Variants in ANO1 observed in about 807,000 individuals in gnomAD.
ANO1 encodes the protein anoctamin-1.
Under a neutral mutation model 124.0 loss-of-function variants are expected in ANO1, and 59 were observed. The observed-to-expected ratio is 0.48, with a 90% CI of 0.39 to 0.59. The LOEUF is 0.59. Among genes scored for constraint, ANO1 ranks in the 20% least tolerant of loss-of-function variants. The pLI is 0.00. For missense variants in ANO1, 1,059 were observed against 1,328.0 expected (o/e 0.80, Z 3.15); for synonymous variants, 529 against 532.0 (o/e 0.99, Z 0.08).
intron 1 of ANO1, among the ~76,000 whole-genome samples, chr11:70,071,414 A>C (rs1480785726): frequency 5.3e-5 from 8 of 152,222 alleles, no homozygotes; most frequent in Non-Finnish European, 4.4e-5. Flanking sequence ...AGCAGAAAAT[A>C]AAAGCCATCC....
intron 10 of ANO1, among the ~76,000 whole-genome samples, chr11:70,127,366 A>T (rs939454384): frequency 6.6e-6 from 1 of 152,138 alleles, no homozygotes; most frequent in African/African-American, 2.4e-5. Context: ...ACTGTTCCAT[A>T]AGGGAGGATT....
intron 22 of ANO1, among the ~76,000 whole-genome samples, chr11:70,177,212 C>T (rs949451178): frequency 6.6e-6 from 1 of 152,258 alleles, no homozygotes; most frequent in Admixed American, 6.5e-5. Flanking sequence ...GCCCCAAAGA[C>T]TTCAACCTCC....
At position 70,161,155 on chromosome 11, in the gene ANO1, CTGCAGAT is replaced by C; in HGVS notation, c.1579_1585del (p.Ile527Ter). 1.2e-6 allele frequency: 2 copies of C among 1,612,750 alleles called. No individual in the cohort carries two copies. The highest frequency in any genetic ancestry group is 1.7e-6 in the Non-Finnish European group (2 of 1,179,556). On this transcript the variant is annotated splice_acceptor_variant and splice_polypyrimidine_tract_variant and coding_sequence_variant and intron_variant, in exon 17 of 26. Transcript: ENST00000355303. LOFTEE classifies it high-confidence loss of function. ...CCAACCAAGAGTGCCCCTTTCCCCC[CTGCAGAT>C]TGCAGTGACGTTTGCCATCGTCCTC...
At chr11:70,131,474 C>T (rs1328419639) in intron 10 of ANO1, among the ~76,000 whole-genome samples, 1 of 152,142 alleles carries the variant, frequency 6.6e-6, no homozygotes, top group African/African-American at 2.4e-5. Context: ...ATCACAGGCG[C>T]GTGCCACCAT....
chr11:69,989,901 G>A (rs916033110), intron 1 of ANO1, among the ~76,000 whole-genome samples: 3 of 152,168 alleles, frequency 2.0e-5, no homozygotes, highest in Non-Finnish European at 4.4e-5. Flanking sequence ...GCTGGAAGAA[G>A]GAAAAGACCA....
At chr11:70,136,646 T>C (rs2046966063) in intron 11 of ANO1, among the ~76,000 whole-genome samples, 1 of 146,732 alleles carries the variant, frequency 6.8e-6, no homozygotes, top group Non-Finnish European at 1.5e-5. Flanking sequence ...CCTGGTGAGG[T>C]CAGGTGCCTG....
At chr11:70,113,471 ACTC>A (rs145535508) in intron 7 of ANO1, among the ~76,000 whole-genome samples, 20,885 of 151,374 alleles carry the variant, frequency 0.14, 1,554 homozygotes, top group South Asian at 0.29. Flanking sequence ...GGAGGAGCCC[ACTC>A]CTCCATTCTG....
At chr11:70,045,298 C>T (rs1555005468) in intron 1 of ANO1, among the ~76,000 whole-genome samples, 1 of 152,082 alleles carries the variant, frequency 6.6e-6, no homozygotes, top group African/African-American at 2.4e-5. Flanking sequence ...CCAATATTTC[C>T]TTTTTCATTG....
intron 2 of ANO1, among the ~76,000 whole-genome samples, chr11:70,095,415 AAAGAAAGAAAGAAAAGAAAAG>A (rs1565194410): frequency 5.6e-5 from 2 of 36,020 alleles, no homozygotes; most frequent in African/African-American, 1.3e-4. Flanking sequence ...AGAAAGAAAG[AAAGAAAGAAAGAAAAGAAAAG>A]AAAGAAAGAG....
upstream of ANO1, chr11:69,985,733 G>C (rs1856026531): frequency 6.6e-6 from 1 of 152,296 alleles, no homozygotes; most frequent in South Asian, 2.1e-4. Flanking sequence ...GGCCGGGGGC[G>C]GGCCGGGACC....
intron 1 of ANO1, among the ~76,000 whole-genome samples, chr11:70,012,385 T>C (rs530001101): frequency 1.0e-3 from 155 of 152,026 alleles, no homozygotes; most frequent in African/African-American, 3.6e-3. Context: ...CATCTATCCA[T>C]CCTTTCCTTC....
chr11:70,123,399 C>T (rs1487335340), intron 8 of ANO1, among the ~76,000 whole-genome samples: 1 of 152,228 alleles, frequency 6.6e-6, no homozygotes, highest in African/African-American at 2.4e-5. Context: ...CGTGTTACCC[C>T]AGAGGAGACG....
At chr11:70,108,428 G>A in intron 6 of ANO1, 24 bp downstream of exon 6, 2 of 1,609,422 alleles carry the variant, frequency 1.2e-6, no homozygotes, top group Non-Finnish European at 1.7e-6. Context: ...TGGGGCTTGA[G>A]ATCAGCATTG....
chr11:70,155,402 C>T (rs992962847), intron 14 of ANO1, among the ~76,000 whole-genome samples: 23 of 152,226 alleles, frequency 1.5e-4, no homozygotes, highest in African/African-American at 3.9e-4. Flanking sequence ...CTGCTTCTGA[C>T]GGGCCGTACC....
At position 70,167,251 on chromosome 11, in the gene ANO1, G is replaced by T. The variant is rs1441405905; in HGVS notation, c.2061G>T (p.Lys687Asn). Residue 687 changes from lysine to asparagine, a missense_variant, in exon 21 of 26, where the codon AAG (lysine) becomes AAT (asparagine). By Grantham distance (94) the Lys-to-Asn change is moderately conservative. Coordinates refer to ENST00000355303, the MANE Select transcript of ANO1 (RefSeq NM_018043.7). ...ATGTCTCATCTCTCAGGAAGATGAAGAAGCTCATCCGCTACCTGAAGCTGA... is the reference window on the plus strand; with the variant it reads ...ATGTCTCATCTCTCAGGAAGATGAATAAGCTCATCCGCTACCTGAAGCTGA... ...NLFEIGIPKM[K>N]KLIRYLKLKQ... 1.2e-6 allele frequency: 2 copies of T among 1,613,968 alleles called. No homozygotes were observed. The highest frequency in any genetic ancestry group is 4.5e-5 in the East Asian group (2 of 44,886).
intron 7 of ANO1, among the ~76,000 whole-genome samples, chr11:70,116,236 G>A (rs1488486822): frequency 6.6e-6 from 1 of 152,208 alleles, no homozygotes; most frequent in South Asian, 2.1e-4. Flanking sequence ...CGTCCTGGTG[G>A]TGGAGGCCAA....
chr11:70,118,727 G>C lies in ANO1; in HGVS notation c.897+2228G>C, dbSNP rs1053766524. Among the ~76,000 whole-genome samples, 13 of 151,718 alleles carry C rather than the reference G, an allele frequency of 8.6e-5. No homozygotes were observed. In the South Asian group the frequency reaches 2.7e-3, roughly 32 times the overall value. On this transcript the variant is annotated intron_variant, in intron 8 of 25. Transcript: ENST00000355303. ...ATGGTTGATGGATGAGTGGGTGGAT[G>C]GATGGGTGAATGAGTGGATGGACAG...
At chr11:70,019,478 C>G (rs1856763191) in intron 1 of ANO1, among the ~76,000 whole-genome samples, 1 of 152,190 alleles carries the variant, frequency 6.6e-6, no homozygotes, top group Non-Finnish European at 1.5e-5. Flanking sequence ...TCCCCCAGTG[C>G]CCCTTCAGAC....
At chr11:70,025,710 G>GTGGTGGTGATGGTGA (rs1856885192) in intron 1 of ANO1, among the ~76,000 whole-genome samples, 1 of 138,072 alleles carries the variant, frequency 7.2e-6, no homozygotes, top group South Asian at 2.4e-4. Flanking sequence ...GGTGGTGATG[G>GTGGTGGTGATGGTGA]TGATGATGAT....
Sources: allele counts gnomAD v4.1 joint callset (sites outside exome capture counted in the v4.1 genomes callset), GRCh38; gene constraint gnomAD v4.1.1; transcripts MANE v1.5; gene names NCBI Gene and HGNC (gene_info 2026-07-23, HGNC 2026-07-21).